The following DHRS12 variants were observed in gnomAD, a reference collection of about 807,000 sequenced individuals.
The protein encoded by DHRS12 is dehydrogenase/reductase 12.
DHRS12 carries 29 observed loss-of-function variants against 32.1 expected under a neutral mutation model. The ratio of observed to expected loss-of-function variants is 0.90; its 90% CI spans 0.67 to 1.23. The LOEUF (loss-of-function observed/expected upper bound fraction) is 1.23. Ranked by LOEUF, DHRS12 falls within the 50% of genes most tolerant of loss-of-function variation. The probability of loss-of-function intolerance (pLI) is 0.00; values close to 1 mark genes in which losing one functional copy is unlikely to be tolerated. For synonymous variants in DHRS12, 150 were observed against 135.9 expected, an observed-to-expected ratio of 1.10 and a Z score of -0.72; for missense variants, 330 against 337.2, an observed-to-expected ratio of 0.98 and a Z score of 0.17.
At chr13:51,781,620 G>A (rs1954712345) in intron 4 of DHRS12, among the ~76,000 whole-genome samples, 1 of 152,164 alleles carries the variant, frequency 6.6e-6, no homozygotes, top group Non-Finnish European at 1.5e-5. Context: ...GAGAAGAGGA[G>A]GGAACAGGCA....
chr13:51,801,699 G>A (rs1955762467), intron 1 of DHRS12, among the ~76,000 whole-genome samples: 1 of 152,178 alleles, frequency 6.6e-6, no homozygotes, highest in Non-Finnish European at 1.5e-5. Flanking sequence ...CTGAGTCAAT[G>A]AATAGGGGCT....
chr13:51,778,792 ACT>A (rs1036549675), intron 4 of DHRS12, among the ~76,000 whole-genome samples: 2 of 151,724 alleles, frequency 1.3e-5, no homozygotes, highest in Non-Finnish European at 2.9e-5. Flanking sequence ...CCTGCCAAGT[ACT>A]CTCTCCTCTA....
At chr13:51,768,791 C>G in intron 8 of DHRS12, 1 of 1,221,408 alleles carries the variant, frequency 8.2e-7, no homozygotes, top group Non-Finnish European at 1.0e-6. Context: ...CCCTTACACC[C>G]TTTGCACTGC....
chr13:51,798,107 T>C (rs990285974), intron 2 of DHRS12, among the ~76,000 whole-genome samples: 1 of 152,130 alleles, frequency 6.6e-6, no homozygotes, highest in African/African-American at 2.4e-5. Flanking sequence ...GTGCTGACAG[T>C]GCGTCTGGAA....
chr13:51,800,000 T>C (rs968527059), intron 1 of DHRS12, among the ~76,000 whole-genome samples: 3 of 152,144 alleles, frequency 2.0e-5, no homozygotes, highest in Non-Finnish European at 2.9e-5. Flanking sequence ...TTCCCTTTTG[T>C]GGGGGGCAGG....
At chr13:51,762,698 C>G in the DHRS12 span, 1 of 152,164 alleles carries the variant, frequency 6.6e-6, no homozygotes, top group Non-Finnish European at 1.5e-5. Flanking sequence ...TAGGTGAACT[C>G]TCATAATTCT....
chr13:51,804,118 C>G lies in DHRS12; in HGVS notation c.-73G>C. 2 of 1,482,602 alleles carry G rather than the reference C, an allele frequency of 1.3e-6. No homozygotes were observed. Among genetic ancestry groups the G allele is most frequent in the Non-Finnish European group, 1.8e-6 (2 of 1,121,764 alleles). 91.8% of individuals were successfully genotyped at this position (1,482,602 alleles called of 1,614,324 possible). On this transcript the variant is annotated 5_prime_UTR_variant, in exon 1 of 9. Coordinates refer to ENST00000444610, the MANE Select transcript of DHRS12 (RefSeq NM_001377533.1). Reference sequence around the variant, plus strand: ...CTGCGGTACAGGGACATGCCGGGAGCGCCCCACGCCTAGCCCCACCGCGCT... The same window carrying G: ...CTGCGGTACAGGGACATGCCGGGAGGGCCCCACGCCTAGCCCCACCGCGCT...
intron 4 of DHRS12, among the ~76,000 whole-genome samples, chr13:51,783,033 C>T (rs914674559): frequency 1.3e-5 from 2 of 151,844 alleles, no homozygotes; most frequent in Admixed American, 6.6e-5. Context: ...CGGCCCAGAG[C>T]GGGGTGCACG....
rs544439188 is a variant in DHRS12 at position 51,768,094 on chromosome 13, G to A, written c.*93C>T. On this transcript the variant is annotated 3_prime_UTR_variant, in exon 9 of 9. Coordinates refer to ENST00000444610, the MANE Select transcript of DHRS12 (RefSeq NM_001377533.1). The stretch of plus-strand genomic sequence containing the variant: ...TGAGGCACAACGTCTTCGAGGGGAA[G>A]TTGAAGTGGGGTCTTCTTATTCACT... The A allele has an allele frequency of 6.7e-7, 1 of 1,500,022 alleles. No individual in the cohort carries two copies. The highest frequency in any genetic ancestry group is 2.2e-5 in the Admixed American group (1 of 46,136). The allele number at this position is 1,500,022 out of a possible 1,614,324, so 92.9% of individuals were successfully genotyped here.
At chr13:51,771,952 G>GCGC in intron 6 of DHRS12, 41 bp from the exon 7 acceptor site, 1 of 1,600,318 alleles carries the variant, frequency 6.2e-7, no homozygotes, top group South Asian at 1.1e-5. Context: ...GAGAGAGGAG[G>GCGC]CGCCATTAGG....
chr13:51,798,437 T>A (rs1955605324), intron 2 of DHRS12, among the ~76,000 whole-genome samples: 1 of 152,188 alleles, frequency 6.6e-6, no homozygotes, highest in Non-Finnish European at 1.5e-5. Context: ...CACACCATCA[T>A]CAATCAAGGT....
chr13:51,760,746 G>A, the DHRS12 span: 7 of 152,214 alleles, frequency 4.6e-5, no homozygotes, highest in African/African-American at 7.2e-5. Context: ...TTCTCATAAG[G>A]AGCACGCAAC....
chr13:51,801,022 C>T (rs1264020233), intron 1 of DHRS12, among the ~76,000 whole-genome samples: 3 of 152,194 alleles, frequency 2.0e-5, no homozygotes, highest in African/African-American at 7.2e-5. Context: ...CAGCCTCTTA[C>T]TAGCTGTGCC....
chr13:51,756,680 GTTCT>G, the DHRS12 span: 1 of 974,702 alleles, frequency 1.0e-6, no homozygotes, highest in Non-Finnish European at 1.2e-6. Context: ...TCATCTCTGT[GTTCT>G]TTCTAATTTC....
chr13:51,756,575 A>G, the DHRS12 span: 49 of 1,439,858 alleles, frequency 3.4e-5, no homozygotes, highest in Non-Finnish European at 4.3e-5. Flanking sequence ...CTGGTTTAGA[A>G]TATAGTCCAC....
At chr13:51,779,337 G>A (rs1040762812) in intron 4 of DHRS12, among the ~76,000 whole-genome samples, 1 of 152,146 alleles carries the variant, frequency 6.6e-6, no homozygotes, top group Non-Finnish European at 1.5e-5. Context: ...TCTTTTTAGG[G>A]GTAGGCCCCA....
At chr13:51,802,169 TCA>T (rs56270918) in intron 1 of DHRS12, among the ~76,000 whole-genome samples, 27,430 of 139,398 alleles carry the variant, frequency 0.2, 2,683 homozygotes, top group Admixed American at 0.23. Context: ...TCTCTATTTT[TCA>T]CACACACACA....
At chr13:51,792,620 G>T (rs1955327904) in intron 2 of DHRS12, among the ~76,000 whole-genome samples, 1 of 152,078 alleles carries the variant, frequency 6.6e-6, no homozygotes, top group Admixed American at 6.6e-5. Flanking sequence ...GGCTGGTCTT[G>T]AACTCCTGAC....
rs1005790258 is a variant in DHRS12, at chr13:51,773,836, C to A, written c.468+94G>T. On this transcript the variant is annotated intron_variant, in intron 6 of 8. Coordinates refer to ENST00000444610, the MANE Select transcript of DHRS12 (RefSeq NM_001377533.1). Reference sequence around the variant, plus strand: ...CAGGTGCTGCATGAACTACTAAGGTCCGATTAATGTGCATCCCAGAGTAAG... The same window carrying A: ...CAGGTGCTGCATGAACTACTAAGGTACGATTAATGTGCATCCCAGAGTAAG... 6 of 1,046,878 alleles carry A rather than the reference C, an allele frequency of 5.7e-6. No homozygotes were observed. The African/African-American group carries it at 6.3e-5, about 11-fold the overall frequency. 64.8% of individuals were successfully genotyped at this position (1,046,878 alleles called of 1,614,324 possible).
Sources: allele counts gnomAD v4.1 joint callset (sites outside exome capture counted in the v4.1 genomes callset), GRCh38; gene constraint gnomAD v4.1.1; transcripts MANE v1.5; gene names NCBI Gene and HGNC (gene_info 2026-07-23, HGNC 2026-07-21).